FAM186A: variants seen among roughly 807,000 people sequenced by gnomAD.
FAM186A encodes protein FAM186A.
A neutral mutation model predicts 216.8 loss-of-function variants in FAM186A; 163 were observed. That is an observed-to-expected ratio of 0.75 (90% CI 0.66 to 0.86). The LOEUF (loss-of-function observed/expected upper bound fraction) is 0.86, where lower values mean the gene tolerates loss of function less well. FAM186A is among the 40% of genes least tolerant of loss of function. FAM186A has a pLI of 0.00. For synonymous variants in FAM186A, 805 were observed against 1,025.3 expected, an observed-to-expected ratio of 0.79 and a Z score of 4.10; for missense variants, 2,184 against 2,746.2, an observed-to-expected ratio of 0.80 and a Z score of 4.58.
Position 50,396,344 on chromosome 12 carries a change from T to TA in FAM186A, c.140dup (p.Asp49GlyfsTer5). The TA allele has an allele frequency of 6.4e-7, 1 of 1,551,652 alleles. No homozygotes were observed. Among genetic ancestry groups the TA allele is most frequent in the Non-Finnish European group, 8.7e-7 (1 of 1,146,984 alleles). ...GCTCAATCCTAGAGATGATATCCTT[T>TA]ACTGAGAATGGGATCTCAAGGTTAG... On this transcript the variant is annotated frameshift_variant, in exon 1 of 8. Coordinates refer to ENST00000327337, the MANE Select transcript of FAM186A (RefSeq NM_001145475.3). LOFTEE classifies it high-confidence loss of function.
chr12:50,342,164 G>A (rs570811346), intron 4 of FAM186A, among the ~76,000 whole-genome samples: 133 of 151,462 alleles, frequency 8.8e-4, no homozygotes, highest in Admixed American at 3.7e-3. Flanking sequence ...GCATGGCGGC[G>A]GCGTGCCTGT....
rs576969259 is a variant in FAM186A at position 50,346,542 on chromosome 12, A to G, written c.6503+3787T>C. On this transcript the variant is annotated intron_variant, in intron 4 of 7. Coordinates refer to ENST00000327337, the MANE Select transcript of FAM186A (RefSeq NM_001145475.3). ...GCACCCAGCCCTGTATCTGTTTTATACATTTATTTAAACATACAAAAATCG... is the reference window on the plus strand; with the variant it reads ...GCACCCAGCCCTGTATCTGTTTTATGCATTTATTTAAACATACAAAAATCG... 5.9e-5 allele frequency among the ~76,000 whole-genome samples: 9 copies of G among 152,254 alleles called. No individual in the cohort carries two copies. The South Asian group carries it at 1.9e-3, about 32-fold the overall frequency.
At chr12:50,386,382 A>G (rs1042182449) in intron 1 of FAM186A, among the ~76,000 whole-genome samples, 5 of 152,142 alleles carry the variant, frequency 3.3e-5, no homozygotes, top group Non-Finnish European at 7.3e-5. Context: ...AGATCATGCC[A>G]TTGCACTCCA....
intron 1 of FAM186A, among the ~76,000 whole-genome samples, chr12:50,375,666 G>A (rs1340052428): frequency 6.7e-6 from 1 of 148,222 alleles, no homozygotes; most frequent in African/African-American, 2.5e-5. Flanking sequence ...GCAGTGAGCC[G>A]AGATTGTGCC....
chr12:50,331,634 C>G, intron 6 of FAM186A, 36 bp downstream of exon 6: 1 of 1,517,138 alleles, frequency 6.6e-7, no homozygotes, highest in South Asian at 1.3e-5. Flanking sequence ...TCCCACATAT[C>G]GTCCAAAGTT....
intron 1 of FAM186A, among the ~76,000 whole-genome samples, chr12:50,386,956 A>AT (rs1338657992): frequency 1.3e-5 from 2 of 151,276 alleles, no homozygotes; most frequent in Non-Finnish European, 2.9e-5. Flanking sequence ...TTTCTATTCT[A>AT]TTTTTTTCTA....
intron 1 of FAM186A, among the ~76,000 whole-genome samples, chr12:50,374,007 T>C (rs1943173918): frequency 6.6e-6 from 1 of 151,992 alleles, no homozygotes. Context: ...TATAAGGACA[T>C]GGATGAAATT....
intron 4 of FAM186A, among the ~76,000 whole-genome samples, chr12:50,337,355 C>T (rs1473195830): frequency 7.4e-6 from 1 of 134,912 alleles, no homozygotes; most frequent in Non-Finnish European, 1.5e-5. Context: ...AGTGCAGTGG[C>T]GCGATCTTGG....
chr12:50,348,889 T>A lies in FAM186A; in HGVS notation c.6503+1440A>T, dbSNP rs569835359. 3.3e-3 allele frequency among the ~76,000 whole-genome samples: 498 copies of A among 152,160 alleles called. 2 individuals are homozygous for A. The highest frequency in any genetic ancestry group is 0.011 in the African/African-American group (451 of 41,530). Reference sequence around the variant, plus strand: ...GTTTGTTTTTCTTTTCATTAAAAAATTTTTTTGTGGGTACATAGTAGGTAT... The same window carrying A: ...GTTTGTTTTTCTTTTCATTAAAAAAATTTTTTGTGGGTACATAGTAGGTAT... On this transcript the variant is annotated intron_variant, in intron 4 of 7. Transcript: ENST00000327337.
chr12:50,363,808 C>A (rs1943060380), intron 1 of FAM186A, among the ~76,000 whole-genome samples: 1 of 150,392 alleles, frequency 6.6e-6, no homozygotes, highest in Non-Finnish European at 1.5e-5. Context: ...GAAAAAAATG[C>A]AAGTTGCTTC....
chr12:50,378,954 C>A (rs1943227214), intron 1 of FAM186A, among the ~76,000 whole-genome samples: 1 of 152,168 alleles, frequency 6.6e-6, no homozygotes. Context: ...CTTAAATGTC[C>A]ATACATAGGA....
At chr12:50,393,395 G>A (rs973990559) in intron 1 of FAM186A, among the ~76,000 whole-genome samples, 3 of 150,872 alleles carry the variant, frequency 2.0e-5, no homozygotes, top group African/African-American at 7.3e-5. Context: ...AAATCAACCG[G>A]GCATGACGGC....
chr12:50,391,293 C>A (rs1404374713), intron 1 of FAM186A, among the ~76,000 whole-genome samples: 1 of 150,424 alleles, frequency 6.6e-6, no homozygotes, highest in Non-Finnish European at 1.5e-5. Context: ...CATGCCAGGC[C>A]TTATTTTATT....
At chr12:50,374,543 C>A (rs1943179447) in intron 1 of FAM186A, among the ~76,000 whole-genome samples, 1 of 152,050 alleles carries the variant, frequency 6.6e-6, no homozygotes, top group Non-Finnish European at 1.5e-5. Context: ...TAAAGAAGAA[C>A]CATTTATCGC....
rs1243629760 is a variant in FAM186A, at chr12:50,352,794, G to C, written c.4038C>G (p.Ala1346=). ...EITLTPQQAQ[A]LGMPLTTQQA... ...GCTGAGTGGTGAGAGGCATCCCCAA[G>C]GCCTGGGCCTGCTGAGGGGTGAGAG... Residue 1346 remains alanine, a synonymous_variant, in exon 4 of 8, where the codon GCC becomes GCG. Transcript: ENST00000327337. 6.5e-7 allele frequency: 1 copy of C among 1,540,230 alleles called. No homozygotes were observed. Among genetic ancestry groups the C allele is most frequent in the Non-Finnish European group, 8.7e-7 (1 of 1,143,596 alleles).
intron 4 of FAM186A, among the ~76,000 whole-genome samples, chr12:50,337,228 T>C (rs917716455): frequency 6.6e-6 from 1 of 151,390 alleles, no homozygotes; most frequent in Non-Finnish European, 1.5e-5. Flanking sequence ...ATTTCACTGC[T>C]TGGAAAAGTT....
At chr12:50,344,107 T>A (rs1237971302) in intron 4 of FAM186A, among the ~76,000 whole-genome samples, 1 of 152,094 alleles carries the variant, frequency 6.6e-6, no homozygotes. Context: ...TTTTCTTTTT[T>A]ATTTTAGTAA....
At chr12:50,348,016 G>GT (rs1229130139) in intron 4 of FAM186A, among the ~76,000 whole-genome samples, 2 of 149,312 alleles carry the variant, frequency 1.3e-5, no homozygotes, top group Non-Finnish European at 3.0e-5. Flanking sequence ...GGGACTACAG[G>GT]TGTGAGCCAC....
chr12:50,393,455 T>C (rs906238512), intron 1 of FAM186A, among the ~76,000 whole-genome samples: 2 of 151,748 alleles, frequency 1.3e-5, no homozygotes, highest in African/African-American at 4.8e-5. Flanking sequence ...GGCAGGAGAA[T>C]TGCTTGAGCC....
Sources: allele counts gnomAD v4.1 joint callset (sites outside exome capture counted in the v4.1 genomes callset), GRCh38; gene constraint gnomAD v4.1.1; transcripts MANE v1.5; gene names NCBI Gene and HGNC (gene_info 2026-07-23, HGNC 2026-07-21).